USP24: variants seen among roughly 807,000 people sequenced by gnomAD.
USP24 encodes the protein ubiquitin carboxyl-terminal hydrolase 24.
Under a neutral mutation model 361.6 loss-of-function variants are expected in USP24, and 97 were observed. The observed-to-expected ratio is 0.27, with a 90% CI of 0.23 to 0.32. The LOEUF (loss-of-function observed/expected upper bound fraction) is 0.32. USP24 is among the 10% of genes least tolerant of loss of function. The pLI is 1.00. For synonymous variants in USP24, 1,098 were observed against 1,124.6 expected (o/e 0.98, Z 0.47); for missense variants, 2,353 against 3,165.6 (o/e 0.74, Z 6.16).
At position 55,079,537 on chromosome 1, in the gene USP24, C is replaced by A; in HGVS notation, c.7200+1G>T. On this transcript the variant is annotated splice_donor_variant, in intron 60 of 67. Transcript: ENST00000294383. LOFTEE classifies it high-confidence loss of function. ...ATGGCTTTAGAATAACAAGTACATA[C>A]CTCTAACAGGTAAGGTTTCCCTTCA... is the stretch of plus-strand genomic sequence containing the variant. 6.4e-7 allele frequency: 1 copy of A among 1,571,876 alleles called. No individual in the cohort carries two copies. The highest frequency in any genetic ancestry group is 8.6e-7 in the Non-Finnish European group (1 of 1,166,432).
chr1:55,215,023 T>C lies in USP24; in HGVS notation c.91A>G (p.Lys31Glu). ...GCCACGGCCTCGTTAATGTCGTTCT[T>C]GGCCAGGCGCAGGGCCTTGCGGATG... ...ATIRKALRLA[K>E]NDINEAVALL... is the part of the protein sequence containing the mutation. The change falls in exon 1 of 68, where the codon AAG becomes GAG. Residue 31 changes from lysine to glutamate, a missense_variant. Physicochemically the swap from Lys to Glu is moderately conservative, Grantham distance 56. This residue lies in a region of USP24 where 253 missense variants were observed against 255.3 expected (regional missense o/e 0.99). Transcript: ENST00000294383. 1.3e-6 allele frequency: 2 copies of C among 1,485,746 alleles called. No individual in the cohort carries two copies. Among genetic ancestry groups the C allele is most frequent in the Admixed American group, 2.1e-5 (1 of 47,340 alleles). The allele number at this position is 1,485,746 out of a possible 1,614,324, so 92.0% of individuals were successfully genotyped here. A position where few individuals can be genotyped will look rare whatever the true frequency, so the allele number is the denominator to read the frequency against.
At chr1:55,204,094 CA>C (rs1486228443) in intron 1 of USP24, among the ~76,000 whole-genome samples, 10 of 152,166 alleles carry the variant, frequency 6.6e-5, no homozygotes, top group South Asian at 6.2e-4. Context: ...AAACTGACCA[CA>C]AAAGCAAAAT....
At chr1:55,172,247 C>T in intron 4 of USP24, 130 bp downstream of exon 4, 1 of 916,354 alleles carries the variant, frequency 1.1e-6, no homozygotes, top group Non-Finnish European at 1.5e-6. Context: ...AAAATAAAGA[C>T]AAAGGATCCT....
chr1:55,076,048 AAG>A (rs1008575812), intron 62 of USP24, among the ~76,000 whole-genome samples: 2 of 152,214 alleles, frequency 1.3e-5, no homozygotes, highest in African/African-American at 4.8e-5. Context: ...TCTTAAAACT[AAG>A]AGAAAAAACT....
chr1:55,125,696 T>C lies in USP24; in HGVS notation c.3698A>G (p.Gln1233Arg), dbSNP rs1646408866. Residue 1233 changes from glutamine to arginine, a missense_variant, in exon 33 of 68, where the codon CAG becomes CGG. Around this residue, in one of 8 missense-constraint regions of USP24, gnomAD observed 949 missense variants for 1,280.5 expected, o/e 0.74. Transcript: ENST00000294383. ...CTGTAGACAGATGGAATAAACACCC[T>C]GCCTTGTTTCATAGTCTACTTCTGA... ...IPSEVDYETR[Q>R]GVYSICLQLA... 6.3e-7 allele frequency: 1 copy of C among 1,597,444 alleles called. No individual in the cohort carries two copies. The highest frequency in any genetic ancestry group is 8.5e-7 in the Non-Finnish European group (1 of 1,171,214).
At chr1:55,085,007 A>C (rs1193694027) in intron 56 of USP24, among the ~76,000 whole-genome samples, 1 of 152,190 alleles carries the variant, frequency 6.6e-6, no homozygotes, top group Non-Finnish European at 1.5e-5. Context: ...AGAAACTTCC[A>C]CAGGGAATGG....
rs1470716998 is a variant in USP24 at position 55,215,289 on chromosome 1, G to A, written c.-176C>T. Among the ~76,000 whole-genome samples, 1 of 151,870 alleles carries A rather than the reference G, an allele frequency of 6.6e-6. No individual in the cohort carries two copies. Among genetic ancestry groups the A allele is most frequent in the Admixed American group, 6.6e-5 (1 of 15,264 alleles). ...CTGGGTGCGGGCTTGGGTCCTGCGA[G>A]CCGAGCTAGTGCGGTGAGGCGCTCA... On this transcript the variant is annotated 5_prime_UTR_variant, in exon 1 of 68. Coordinates refer to ENST00000294383, the MANE Select transcript of USP24 (RefSeq NM_015306.3).
chr1:55,175,641 T>A (rs926145686), intron 3 of USP24, among the ~76,000 whole-genome samples: 1 of 152,182 alleles, frequency 6.6e-6, no homozygotes, highest in Non-Finnish European at 1.5e-5. Flanking sequence ...AAAAGAATCA[T>A]TCATTGCAAC....
rs1646802764 is a variant in USP24 at position 55,138,616 on chromosome 1, T to C, written c.2920A>G (p.Thr974Ala). Residue 974 changes from threonine to alanine, a missense_variant, in exon 26 of 68, where the codon ACT becomes GCT. Thr to Ala is a moderately conservative substitution (Grantham distance 58). Around this residue, in one of 8 missense-constraint regions of USP24, gnomAD observed 949 missense variants for 1,280.5 expected, o/e 0.74. Coordinates refer to ENST00000294383, the MANE Select transcript of USP24 (RefSeq NM_015306.3). The part of the protein sequence containing the change: ...VTYESTKDTF[T>A]VEAHSNETIG... The stretch of plus-strand genomic sequence containing the variant: ...TCTTAATGTAAACCTACCTCGACAG[T>C]GAAGGTATCTTTGGTAGACTCATAG... The C allele has an allele frequency of 6.2e-7, 1 of 1,607,850 alleles. No individual in the cohort carries two copies. Among genetic ancestry groups the C allele is most frequent in the Admixed American group, 1.7e-5 (1 of 59,648 alleles).
At chr1:55,093,832 G>A in intron 52 of USP24, 105 bp downstream of exon 52, 2 of 1,464,118 alleles carry the variant, frequency 1.4e-6, no homozygotes, top group Non-Finnish European at 1.8e-6. Context: ...AGACGATGTA[G>A]CCCCAGTGGT....
chr1:55,144,412 G>A (rs1444438069), intron 20 of USP24, among the ~76,000 whole-genome samples: 2 of 152,106 alleles, frequency 1.3e-5, no homozygotes, highest in African/African-American at 4.8e-5. Context: ...ACAAGAAAGT[G>A]AAAAGACAAC....
rs1557516436 is a variant in USP24 at position 55,068,706 on chromosome 1, G to C, written c.*339C>G. The C allele has an allele frequency of 7.4e-6, 2 of 271,348 alleles. No homozygotes were observed. The highest frequency in any genetic ancestry group is 1.4e-5 in the Non-Finnish European group (2 of 146,028). 16.8% of individuals were successfully genotyped at this position (271,348 alleles called of 1,614,324 possible). Reference sequence around the variant, plus strand: ...GGAATTTCTTTTGTAGCATCGTAGAGAAAGCAACAGCTTTATGCTCACTCT... The same window carrying C: ...GGAATTTCTTTTGTAGCATCGTAGACAAAGCAACAGCTTTATGCTCACTCT... On this transcript the variant is annotated 3_prime_UTR_variant, in exon 68 of 68. Coordinates refer to ENST00000294383, the MANE Select transcript of USP24 (RefSeq NM_015306.3).
At chr1:55,127,853 C>T (rs938093345) in intron 32 of USP24, among the ~76,000 whole-genome samples, 1 of 152,134 alleles carries the variant, frequency 6.6e-6, no homozygotes, top group African/African-American at 2.4e-5. Flanking sequence ...TACTATCACC[C>T]CTTTTTTCTT....
Position 55,144,195 on chromosome 1 carries a change from A to T in USP24, c.2371T>A (p.Leu791Ile), listed in dbSNP as rs771092711. 6.3e-7 allele frequency: 1 copy of T among 1,592,038 alleles called. No individual in the cohort carries two copies. Among genetic ancestry groups the T allele is most frequent in the Non-Finnish European group, 8.6e-7 (1 of 1,167,440 alleles). The change falls in exon 21 of 68, where the codon TTA (leucine) becomes ATA (isoleucine). Residue 791 changes from leucine to isoleucine, a missense_variant. By Grantham distance (5) the Leu-to-Ile change is conservative (BLOSUM62 2). This residue lies in a region of USP24 where 949 missense variants were observed against 1,280.5 expected (regional missense o/e 0.74). Transcript: ENST00000294383. ...ACATTTTCAAAAAAAGTTTTAAATAAGTTAAAACCTGTAATTATAGAATGC... is the reference window on the plus strand; with the variant it reads ...ACATTTTCAAAAAAAGTTTTAAATATGTTAAAACCTGTAATTATAGAATGC... ...SYEITMNGFN[L>I]FKTFFENVNL... is the part of the protein sequence containing the mutation.
chr1:55,098,209 G>T, intron 46 of USP24, 125 bp from the exon 47 acceptor site: 1 of 1,215,142 alleles, frequency 8.2e-7, no homozygotes, highest in Non-Finnish European at 1.1e-6. Context: ...TATTTTAAAA[G>T]TCCATTACTA....
At chr1:55,214,015 G>A (rs1038574145) in intron 1 of USP24, among the ~76,000 whole-genome samples, 1 of 151,860 alleles carries the variant, frequency 6.6e-6, no homozygotes, top group African/African-American at 2.4e-5. Context: ...ACCCAGACCT[G>A]GTGCCAGCTC....
intron 8 of USP24, among the ~76,000 whole-genome samples, chr1:55,160,705 T>C (rs914622983): frequency 3.3e-5 from 5 of 152,196 alleles, no homozygotes; most frequent in African/African-American, 1.2e-4. Context: ...GTACACTCTG[T>C]TTACATATAT....
intron 34 of USP24, 117 bp from the exon 35 acceptor site, chr1:55,124,745 G>C (rs1646378620): frequency 8.9e-7 from 1 of 1,120,792 alleles, no homozygotes; most frequent in African/African-American, 1.6e-5. Flanking sequence ...AGGTCATCCA[G>C]AAAGATGGCC....
intron 65 of USP24, 146 bp downstream of exon 65, chr1:55,072,640 C>T: frequency 1.1e-6 from 1 of 879,206 alleles, no homozygotes; most frequent in Non-Finnish European, 1.7e-6. Flanking sequence ...TTAATGCACA[C>T]AAGATATAAA....
Sources: allele counts gnomAD v4.1 joint callset (sites outside exome capture counted in the v4.1 genomes callset), GRCh38; gene constraint gnomAD v4.1.1; regional missense constraint gnomAD v4.1.1; transcripts MANE v1.5; gene names NCBI Gene and HGNC (gene_info 2026-07-23, HGNC 2026-07-21).